ST6GALNAC3: variants seen among roughly 807,000 people sequenced by gnomAD.
ST6GALNAC3 encodes the protein alpha-N-acetylgalactosaminide alpha-2,6-sialyltransferase 3.
A neutral mutation model predicts 32.7 loss-of-function variants in ST6GALNAC3; 25 were observed. The observed-to-expected ratio is 0.76, with a 90% CI of 0.56 to 1.07. ST6GALNAC3 has a LOEUF of 1.07. Ranked by LOEUF, ST6GALNAC3 falls within the 50% of genes least tolerant of loss-of-function variation. The pLI is 0.00. For missense variants in ST6GALNAC3, 355 were observed against 382.4 expected (o/e 0.93, Z 0.60); for synonymous variants, 129 against 133.1 (o/e 0.97, Z 0.21).
chr1:76,208,688 T>C (rs1351789556), intron 1 of ST6GALNAC3, among the ~76,000 whole-genome samples: 1 of 151,474 alleles, frequency 6.6e-6, no homozygotes, highest in East Asian at 2.0e-4. Flanking sequence ...AGGAATCTCT[T>C]TCCATTATGA....
At chr1:76,431,870 A>T (rs1655780592) in intron 3 of ST6GALNAC3, among the ~76,000 whole-genome samples, 1 of 151,956 alleles carries the variant, frequency 6.6e-6, no homozygotes, top group African/African-American at 2.4e-5. Context: ...ATTAGGCATC[A>T]CTCTTGGCAT....
At chr1:76,237,945 A>C (rs2100657160) in intron 1 of ST6GALNAC3, among the ~76,000 whole-genome samples, 1 of 152,352 alleles carries the variant, frequency 6.6e-6, no homozygotes, top group East Asian at 1.9e-4. Flanking sequence ...GATGTTGATT[A>C]ATGATAATGG....
chr1:76,333,879 A>G (rs1040960576), intron 2 of ST6GALNAC3, among the ~76,000 whole-genome samples: 2 of 152,180 alleles, frequency 1.3e-5, no homozygotes, highest in Non-Finnish European at 2.9e-5. Flanking sequence ...ATAATGCTAT[A>G]TGGTAGGTAC....
chr1:76,271,299 C>T (rs969170936), intron 1 of ST6GALNAC3, among the ~76,000 whole-genome samples: 8 of 152,084 alleles, frequency 5.3e-5, no homozygotes, highest in Admixed American at 6.6e-5. Flanking sequence ...GAAGAGAATC[C>T]GGTCTCCGTT....
chr1:76,213,831 C>G (rs1385009983), intron 1 of ST6GALNAC3, among the ~76,000 whole-genome samples: 16 of 152,174 alleles, frequency 1.1e-4, no homozygotes, highest in Admixed American at 1.0e-3. Flanking sequence ...GGAATTCAGA[C>G]TACATGCTTT....
chr1:76,112,223 G>T (rs1648041655), intron 1 of ST6GALNAC3, among the ~76,000 whole-genome samples: 2 of 142,590 alleles, frequency 1.4e-5, no homozygotes, highest in Admixed American at 6.8e-5. Context: ...TCCCGGACGG[G>T]GCGGCTGGCC....
chr1:76,364,878 G>T (rs1039996339), intron 2 of ST6GALNAC3, among the ~76,000 whole-genome samples: 30 of 152,080 alleles, frequency 2.0e-4, no homozygotes, highest in African/African-American at 7.2e-4. Context: ...ACTATTGGTG[G>T]GAATGCAACT....
intron 2 of ST6GALNAC3, among the ~76,000 whole-genome samples, chr1:76,366,788 A>G (rs975833897): frequency 6.6e-6 from 1 of 152,242 alleles, no homozygotes; most frequent in Non-Finnish European, 1.5e-5. Context: ...GCTAGGCATA[A>G]GATTTGAAAG....
chr1:76,290,967 A>G (rs1225690596), intron 1 of ST6GALNAC3, among the ~76,000 whole-genome samples: 1 of 152,190 alleles, frequency 6.6e-6, no homozygotes, highest in African/African-American at 2.4e-5. Flanking sequence ...TTATCTAACC[A>G]CAGCTAAAAT....
chr1:76,472,726 A>G (rs1178761483), intron 3 of ST6GALNAC3, among the ~76,000 whole-genome samples: 2 of 152,178 alleles, frequency 1.3e-5, no homozygotes, highest in East Asian at 1.9e-4. Flanking sequence ...CAGTTTCATT[A>G]TAAGTACTCG....
intron 2 of ST6GALNAC3, among the ~76,000 whole-genome samples, chr1:76,391,287 A>G (rs1652525671): frequency 6.6e-6 from 1 of 152,128 alleles, no homozygotes; most frequent in Non-Finnish European, 1.5e-5. Flanking sequence ...TGTTATTATG[A>G]TGACAGTCAT....
intron 1 of ST6GALNAC3, among the ~76,000 whole-genome samples, chr1:76,132,516 G>GGAGA (rs1165385685): frequency 6.6e-6 from 1 of 152,184 alleles, no homozygotes; most frequent in Non-Finnish European, 1.5e-5. Flanking sequence ...GGTCTTCAGT[G>GGAGA]GAGACTGCCT....
intron 2 of ST6GALNAC3, among the ~76,000 whole-genome samples, chr1:76,357,455 T>G (rs887101707): frequency 1.3e-5 from 2 of 152,170 alleles, no homozygotes; most frequent in Non-Finnish European, 2.9e-5. Context: ...TCCTTCCACA[T>G]GTCTTCCAAT....
At chr1:76,415,813 G>C (rs1654581652) in intron 3 of ST6GALNAC3, among the ~76,000 whole-genome samples, 1 of 151,920 alleles carries the variant, frequency 6.6e-6, no homozygotes, top group African/African-American at 2.4e-5. Flanking sequence ...TTTGTTTCTT[G>C]GGCTTTACAG....
chr1:76,542,125 C>G (rs568830431), intron 3 of ST6GALNAC3, among the ~76,000 whole-genome samples: 1 of 152,282 alleles, frequency 6.6e-6, no homozygotes, highest in African/African-American at 2.4e-5. Context: ...AAAATGCCCA[C>G]AGAAGTTTCT....
intron 1 of ST6GALNAC3, among the ~76,000 whole-genome samples, chr1:76,273,694 G>A (rs1658980768): frequency 6.6e-6 from 1 of 152,146 alleles, no homozygotes; most frequent in African/African-American, 2.4e-5. Context: ...ACATAACGTG[G>A]CATATCGGTC....
At chr1:76,380,523 C>T (rs1651620436) in intron 2 of ST6GALNAC3, among the ~76,000 whole-genome samples, 1 of 152,130 alleles carries the variant, frequency 6.6e-6, no homozygotes, top group Non-Finnish European at 1.5e-5. Context: ...ATGTTTATAG[C>T]AGCTTTATTC....
chr1:76,157,178 C>T (rs1369856599), intron 1 of ST6GALNAC3, among the ~76,000 whole-genome samples: 1 of 152,200 alleles, frequency 6.6e-6, no homozygotes, highest in Non-Finnish European at 1.5e-5. Flanking sequence ...TGCCTATCTA[C>T]TGATCTACAA....
At chr1:76,311,182 C>T (rs1290793039) in intron 1 of ST6GALNAC3, among the ~76,000 whole-genome samples, 1 of 152,144 alleles carries the variant, frequency 6.6e-6, no homozygotes, top group African/African-American at 2.4e-5. Context: ...AGCCTCCTAA[C>T]TAGTCACTGC....
Sources: allele counts gnomAD v4.1 joint callset (sites outside exome capture counted in the v4.1 genomes callset), GRCh38; gene constraint gnomAD v4.1.1; transcripts MANE v1.5; gene names NCBI Gene and HGNC (gene_info 2026-07-23, HGNC 2026-07-21).